Variants in ADAMTSL1 observed in about 807,000 individuals in gnomAD.
ADAMTSL1 encodes ADAMTS-like protein 1.
ADAMTSL1 carries 126 observed loss-of-function variants against 201.8 expected under a neutral mutation model. The observed-to-expected ratio is 0.62, with a 90% CI of 0.54 to 0.72. The LOEUF (loss-of-function observed/expected upper bound fraction) is 0.72, where lower values mean the gene tolerates loss of function less well. ADAMTSL1 is among the 30% of genes least tolerant of loss of function. The probability of loss-of-function intolerance (pLI) is 0.00; values close to 1 mark genes in which losing one functional copy is unlikely to be tolerated. For missense variants in ADAMTSL1, 2,679 were observed against 2,277.8 expected, an observed-to-expected ratio of 1.18 and a Z score of -3.59; for synonymous variants, 1,121 against 903.4, an observed-to-expected ratio of 1.24 and a Z score of -4.32.
intron 3 of ADAMTSL1, among the ~76,000 whole-genome samples, chr9:18,567,473 A>T (rs2132319353): frequency 6.6e-6 from 1 of 152,188 alleles, no homozygotes; most frequent in South Asian, 2.1e-4. Context: ...AAAAAACAAA[A>T]AGGTTTTGGC....
chr9:18,274,252 T>G (rs1176712232), intron 2 of ADAMTSL1, among the ~76,000 whole-genome samples: 1 of 152,256 alleles, frequency 6.6e-6, no homozygotes, highest in Non-Finnish European at 1.5e-5. Flanking sequence ...CGTAAAAATG[T>G]AGGTAATATC....
chr9:18,691,160 G>T (rs888375398), intron 13 of ADAMTSL1, among the ~76,000 whole-genome samples: 1 of 152,184 alleles, frequency 6.6e-6, no homozygotes, highest in Non-Finnish European at 1.5e-5. Flanking sequence ...TTAAAAAGGA[G>T]TTCAGGAGAC....
chr9:18,577,015 C>G (rs924722082), intron 4 of ADAMTSL1, among the ~76,000 whole-genome samples: 4 of 151,982 alleles, frequency 2.6e-5, no homozygotes, highest in African/African-American at 9.7e-5. Flanking sequence ...GTAATGGTCC[C>G]CAGATTTGGC....
intron 2 of ADAMTSL1, among the ~76,000 whole-genome samples, chr9:18,245,635 C>G (rs1372174995): frequency 6.6e-6 from 1 of 151,878 alleles, no homozygotes; most frequent in Non-Finnish European, 1.5e-5. Context: ...GTGGCATCCA[C>G]CAGCCCTCCA....
chr9:18,202,192 C>G (rs1829476263), intron 2 of ADAMTSL1, among the ~76,000 whole-genome samples: 1 of 152,068 alleles, frequency 6.6e-6, no homozygotes. Context: ...AGTGTAAAGT[C>G]AGAAAGAACT....
chr9:18,102,837 A>G (rs574181387), intron 1 of ADAMTSL1, among the ~76,000 whole-genome samples: 12 of 152,326 alleles, frequency 7.9e-5, no homozygotes, highest in African/African-American at 2.2e-4. Flanking sequence ...GGAGTTTTCA[A>G]AAGTTTCGAA....
chr9:18,406,299 C>CTT (rs1818195056), intron 2 of ADAMTSL1, among the ~76,000 whole-genome samples: 1 of 90,122 alleles, frequency 1.1e-5, no homozygotes, highest in African/African-American at 5.9e-5. Context: ...TTTTTCTTTT[C>CTT]TTTTCTTTTC....
intron 2 of ADAMTSL1, among the ~76,000 whole-genome samples, chr9:18,526,140 T>G (rs1420471515): frequency 6.6e-6 from 1 of 152,224 alleles, no homozygotes; most frequent in African/African-American, 2.4e-5. Flanking sequence ...GTTGGCTGCA[T>G]GTATATTTAG....
rs796839257 is a variant in ADAMTSL1 at position 18,290,790 on chromosome 9, T to G, written c.207+126809T>G. Among the ~76,000 whole-genome samples the G allele has an allele frequency of 2.6e-3, 390 of 149,100 alleles. 4 individuals are homozygous for G. Among genetic ancestry groups the G allele is most frequent in the African/African-American group, 8.6e-3 (349 of 40,490 alleles). On this transcript the variant is annotated intron_variant, in intron 2 of 29. Transcript: ENST00000680146. ...CTGGCTTTTTTTGTGTGTTTTTTTT[T>G]TTTTTTTTTGAGGCAGAGTCTCGCT...
At chr9:18,785,663 A>C (rs1429531151) in intron 19 of ADAMTSL1, among the ~76,000 whole-genome samples, 1 of 152,222 alleles carries the variant, frequency 6.6e-6, no homozygotes, top group Non-Finnish European at 1.5e-5. Context: ...AGCTAACTCC[A>C]GTCTGCTTTT....
chr9:18,288,252 A>G (rs1188751346), intron 2 of ADAMTSL1, among the ~76,000 whole-genome samples: 1 of 152,188 alleles, frequency 6.6e-6, no homozygotes, highest in Non-Finnish European at 1.5e-5. Flanking sequence ...CCAATGAGAA[A>G]TCCCAGGTCA....
Position 18,643,893 on chromosome 9 carries a change from G to GT in ADAMTSL1, c.834+4491dup, listed in dbSNP as rs527719223. The stretch of plus-strand genomic sequence containing the variant: ...TTTGTGGTTCCATTTGAATTTTAGG[G>GT]TTTTTTTTTCCATTTCTGTGAAAAA... On this transcript the variant is annotated intron_variant, in intron 7 of 28. Transcript: ENST00000380548. Among the ~76,000 whole-genome samples, 1,110 of 150,334 alleles carry GT rather than the reference G, an allele frequency of 7.4e-3. 3 individuals carry two copies. The highest frequency in any genetic ancestry group is 0.017 in the Middle Eastern group (5 of 292).
intron 1 of ADAMTSL1, among the ~76,000 whole-genome samples, chr9:18,090,264 A>G (rs981523396): frequency 6.6e-6 from 1 of 152,192 alleles, no homozygotes; most frequent in African/African-American, 2.4e-5. Flanking sequence ...ACACAAAAGA[A>G]TTGAAAGCAG....
At chr9:18,606,431 A>G (rs1472571773) in intron 4 of ADAMTSL1, among the ~76,000 whole-genome samples, 2 of 152,176 alleles carry the variant, frequency 1.3e-5, no homozygotes. Flanking sequence ...TTTAAACAAA[A>G]TGCTCTAAAC....
At chr9:18,368,797 C>A (rs1324834221) in intron 2 of ADAMTSL1, among the ~76,000 whole-genome samples, 3 of 152,128 alleles carry the variant, frequency 2.0e-5, no homozygotes, top group African/African-American at 4.8e-5. Flanking sequence ...CATTCATTTA[C>A]TGCAGATATG....
At chr9:18,779,887 A>G (rs1026119750) in intron 19 of ADAMTSL1, among the ~76,000 whole-genome samples, 2 of 152,140 alleles carry the variant, frequency 1.3e-5, no homozygotes, top group African/African-American at 4.8e-5. Flanking sequence ...TTTTATTTCT[A>G]TCCCCTGGGC....
intron 2 of ADAMTSL1, among the ~76,000 whole-genome samples, chr9:18,464,396 A>G (rs1319550060): frequency 2.6e-5 from 4 of 152,246 alleles, no homozygotes; most frequent in Non-Finnish European, 5.9e-5. Flanking sequence ...CACAAATTAT[A>G]CTATTGTACA....
At chr9:18,642,202 A>AT (rs879848307) in intron 7 of ADAMTSL1, among the ~76,000 whole-genome samples, 8 of 151,564 alleles carry the variant, frequency 5.3e-5, no homozygotes, top group East Asian at 3.9e-4. Flanking sequence ...CTATCTGAAG[A>AT]TTTTTTTTTC....
intron 1 of ADAMTSL1, among the ~76,000 whole-genome samples, chr9:18,486,971 A>G (rs1429725287): frequency 6.6e-6 from 1 of 152,158 alleles, no homozygotes; most frequent in Non-Finnish European, 1.5e-5. Flanking sequence ...AGCTTTTCAC[A>G]TTGTCTAACA....
Sources: gnomAD v4.1 joint callset for allele counts (sites outside exome capture counted in the v4.1 genomes callset) on GRCh38, gnomAD v4.1.1 for gene constraint, MANE v1.5 for transcripts, NCBI Gene and HGNC (gene_info 2026-07-23, HGNC 2026-07-21) for gene names.